PPP2R2B: variants seen among roughly 807,000 people sequenced by gnomAD.
The protein encoded by PPP2R2B is serine/threonine-protein phosphatase 2A 55 kDa regulatory subunit B beta isoform.
A neutral mutation model predicts 46.0 loss-of-function variants in PPP2R2B; 5 were observed. That is an observed-to-expected ratio of 0.11 (90% CI 0.06 to 0.23). The LOEUF (loss-of-function observed/expected upper bound fraction) is 0.23, where lower values mean the gene tolerates loss of function less well. PPP2R2B is among the 10% of genes least tolerant of loss of function. PPP2R2B has a pLI of 1.00. For missense variants in PPP2R2B, 367 were observed against 575.0 expected, an observed-to-expected ratio of 0.64 and a Z score of 3.70; for synonymous variants, 215 against 206.7, an observed-to-expected ratio of 1.04 and a Z score of -0.34.
intron 2 of PPP2R2B, among the ~76,000 whole-genome samples, chr5:146,708,083 C>T (rs560484721): frequency 8.5e-5 from 13 of 152,174 alleles, no homozygotes; most frequent in African/African-American, 2.9e-4. Flanking sequence ...AGGCTGGGCA[C>T]GGTGGCTCAC....
At chr5:146,758,229 A>G (rs1319265481) in intron 2 of PPP2R2B, among the ~76,000 whole-genome samples, 2 of 152,180 alleles carry the variant, frequency 1.3e-5, no homozygotes, top group Non-Finnish European at 2.9e-5. Flanking sequence ...CAAAATTTCA[A>G]TGATTGCCCC....
chr5:146,967,714 G>A (rs1752489477), intron 1 of PPP2R2B, among the ~76,000 whole-genome samples: 1 of 152,162 alleles, frequency 6.6e-6, no homozygotes, highest in Non-Finnish European at 1.5e-5. Context: ...CTGTGCTGAA[G>A]TCAGAATACA....
At chr5:147,045,213 C>T (rs1055747211) in intron 1 of PPP2R2B, among the ~76,000 whole-genome samples, 7 of 152,124 alleles carry the variant, frequency 4.6e-5, no homozygotes, top group African/African-American at 1.7e-4. Context: ...GTGTCCCACC[C>T]CTTAAAATAC....
At chr5:146,669,413 T>C (rs1202249845) in intron 5 of PPP2R2B, among the ~76,000 whole-genome samples, 1 of 152,038 alleles carries the variant, frequency 6.6e-6, no homozygotes, top group Admixed American at 6.6e-5. Context: ...TTACTAAGGT[T>C]TAAGGAAGTA....
chr5:146,688,573 A>G (rs1163935653), intron 5 of PPP2R2B, among the ~76,000 whole-genome samples: 1 of 151,918 alleles, frequency 6.6e-6, no homozygotes, highest in East Asian at 1.9e-4. Context: ...GAAAGCAAGA[A>G]CCAGAGTTGG....
At chr5:147,003,775 A>G (rs1002571470) in intron 1 of PPP2R2B, among the ~76,000 whole-genome samples, 25 of 152,242 alleles carry the variant, frequency 1.6e-4, no homozygotes, top group Middle Eastern at 3.4e-3. Flanking sequence ...AAGCCCATGA[A>G]TTATTCAATG....
At chr5:146,910,645 T>C (rs319170) in intron 1 of PPP2R2B, among the ~76,000 whole-genome samples, 76,708 of 152,028 alleles carry the variant, frequency 0.5, 21,797 homozygotes, top group African/African-American at 0.75. Flanking sequence ...GAATATTGCC[T>C]GGTACATAGT....
chr5:146,813,638 C>T (rs1277931612), intron 2 of PPP2R2B, among the ~76,000 whole-genome samples: 1 of 152,166 alleles, frequency 6.6e-6, no homozygotes, highest in African/African-American at 2.4e-5. Context: ...TTTTTAAGAG[C>T]TCCATCTCTT....
At chr5:147,040,637 C>T in intron 1 of PPP2R2B, 1 of 381,258 alleles carries the variant, frequency 2.6e-6, no homozygotes, top group Admixed American at 3.4e-5. Flanking sequence ...TTCAGGGGCT[C>T]AGTGTGAGCA....
At chr5:146,656,548 C>T (rs1022738171) in intron 5 of PPP2R2B, 1 of 152,204 alleles carries the variant, frequency 6.6e-6, no homozygotes, top group African/African-American at 2.4e-5. Flanking sequence ...GGTGGTCCCT[C>T]ACTCCCGGGA....
intron 2 of PPP2R2B, among the ~76,000 whole-genome samples, chr5:146,761,711 G>A (rs1409500379): frequency 1.3e-5 from 2 of 152,148 alleles, no homozygotes; most frequent in Non-Finnish European, 2.9e-5. Flanking sequence ...TTTTGGCCAT[G>A]TCTCATTTCT....
rs113208019 is a variant in PPP2R2B at position 146,661,726 on chromosome 5, C to G, written c.448-11002G>C. Among the ~76,000 whole-genome samples, 1,021 of 152,256 alleles carry G rather than the reference C, an allele frequency of 6.7e-3. 15 individuals carry two copies. The highest frequency in any genetic ancestry group is 0.023 in the African/African-American group (967 of 41,552). On this transcript the variant is annotated intron_variant, in intron 5 of 9. Transcript: ENST00000394411. ...TCTCAGAAGATAAACTCGCTAATTA[C>G]CAACTCATGCAGAAACCTGTAATTC...
At chr5:146,604,887 A>G (rs1772118600) in intron 7 of PPP2R2B, among the ~76,000 whole-genome samples, 1 of 152,112 alleles carries the variant, frequency 6.6e-6, no homozygotes, top group South Asian at 2.1e-4. Context: ...CTGTTCAAAC[A>G]AGTCAAACCA....
chr5:146,991,854 GATAAA>G (rs1561561470), intron 1 of PPP2R2B, among the ~76,000 whole-genome samples: 1 of 151,818 alleles, frequency 6.6e-6, no homozygotes, highest in Non-Finnish European at 1.5e-5. Context: ...ACAAAATATT[GATAAA>G]ATAAACTGTA....
chr5:146,852,969 T>C (rs1760439373), intron 2 of PPP2R2B, among the ~76,000 whole-genome samples: 1 of 152,134 alleles, frequency 6.6e-6, no homozygotes, highest in South Asian at 2.1e-4. Context: ...TTCAAAGGAA[T>C]TGGATAATTG....
At chr5:146,783,957 C>T (rs953742538) in intron 2 of PPP2R2B, among the ~76,000 whole-genome samples, 3 of 152,132 alleles carry the variant, frequency 2.0e-5, no homozygotes, top group African/African-American at 7.2e-5. Flanking sequence ...TGTGTGTGTA[C>T]CTGTCTATAT....
chr5:146,782,796 G>A (rs1326989522), intron 2 of PPP2R2B, among the ~76,000 whole-genome samples: 1 of 134,242 alleles, frequency 7.4e-6, no homozygotes, highest in African/African-American at 2.8e-5. Context: ...TGAAGGGTGA[G>A]AGAGAGAAGG....
chr5:147,056,039 G>C, upstream of PPP2R2B: 1 of 1,192,414 alleles, frequency 8.4e-7, no homozygotes, highest in Non-Finnish European at 1.0e-6. Context: ...GAGTAAGTCA[G>C]TCCTGCCTGT....
At chr5:146,884,808 T>C (rs573941441) in intron 1 of PPP2R2B, among the ~76,000 whole-genome samples, 2 of 152,324 alleles carry the variant, frequency 1.3e-5, no homozygotes, top group African/African-American at 2.4e-5. Flanking sequence ...TCCAGGGATA[T>C]ACTAGTACCT....
Sources: allele counts gnomAD v4.1 joint callset (sites outside exome capture counted in the v4.1 genomes callset), GRCh38; gene constraint gnomAD v4.1.1; transcripts MANE v1.5; gene names NCBI Gene and HGNC (gene_info 2026-07-23, HGNC 2026-07-21).